Variants in CLCN3 observed in about 807,000 individuals in gnomAD.
The protein encoded by CLCN3 is Cl-/H+ antiporter 3.
Under a neutral mutation model 83.4 loss-of-function variants are expected in CLCN3, and 16 were observed. The ratio of observed to expected loss-of-function variants is 0.19; its 90% CI spans 0.13 to 0.29. The LOEUF is 0.29. Among genes scored for constraint, CLCN3 ranks in the 10% least tolerant of loss-of-function variants. The probability of loss-of-function intolerance (pLI) is 1.00; values close to 1 mark genes in which losing one functional copy is unlikely to be tolerated. For missense variants in CLCN3, 544 were observed against 1,006.0 expected (o/e 0.54, Z 6.21); for synonymous variants, 322 against 346.2 (o/e 0.93, Z 0.78).
rs541728263 is a variant in CLCN3 at position 169,654,057 on chromosome 4, C to G, written c.160+17969C>G. 5.9e-5 allele frequency among the ~76,000 whole-genome samples: 9 copies of G among 152,292 alleles called. No homozygotes were observed. The South Asian group carries it at 1.9e-3, about 32-fold the overall frequency. ...ACTAGAAAACAATTTTTTACCCACTCTTGTACAGTGCCACCTCTGATACAT... is the reference window on the plus strand; with the variant it reads ...ACTAGAAAACAATTTTTTACCCACTGTTGTACAGTGCCACCTCTGATACAT... On this transcript the variant is annotated intron_variant, in intron 2 of 12. Transcript: ENST00000513761.
At chr4:169,665,852 A>G (rs1277870906) in intron 2 of CLCN3, among the ~76,000 whole-genome samples, 1 of 152,186 alleles carries the variant, frequency 6.6e-6, no homozygotes, top group Non-Finnish European at 1.5e-5. Context: ...AAATAACTAT[A>G]TGCATCATTT....
chr4:169,626,583 T>C (rs914548161), intron 1 of CLCN3, among the ~76,000 whole-genome samples: 1 of 152,114 alleles, frequency 6.6e-6, no homozygotes, highest in Non-Finnish European at 1.5e-5. Context: ...CTGTGGAAGA[T>C]TAGAGTTCTG....
rs2150285377 is a variant in CLCN3, at chr4:169,722,949, A to G, written c.*2952A>G. On this transcript the variant is annotated 3_prime_UTR_variant, in exon 13 of 13. Transcript: ENST00000513761. ...TATAATAAGTGTAGCGCCTTGTTTG[A>G]ATACCCTTTTTGAGAAGGTATGATG... 6.6e-6 allele frequency: 1 copy of G among 152,304 alleles called. No individual in the cohort carries two copies. Among genetic ancestry groups the G allele is most frequent in the Middle Eastern group, 3.4e-3 (1 of 294 alleles). 9.4% of individuals were successfully genotyped at this position (152,304 alleles called of 1,614,324 possible).
At chr4:169,704,216 G>T in intron 10 of CLCN3, 32 bp downstream of exon 10, 1 of 1,587,674 alleles carries the variant, frequency 6.3e-7, no homozygotes, top group Non-Finnish European at 8.6e-7. Flanking sequence ...GTGTGTGGAT[G>T]TTTGCAAGTC....
intron 2 of CLCN3, among the ~76,000 whole-genome samples, chr4:169,668,043 ATT>A (rs60739106): frequency 3.9e-4 from 32 of 82,330 alleles, no homozygotes; most frequent in South Asian, 2.6e-3. Context: ...CCGGCCAGAC[ATT>A]TTTTTTTTTT....
chr4:169,622,482 CTG>C lies in CLCN3; in HGVS notation c.-17+1421_-17+1422del, dbSNP rs1773133783. On this transcript the variant is annotated intron_variant, in intron 1 of 12. Transcript: ENST00000513761. The stretch of plus-strand genomic sequence containing the variant: ...ATCCTGTGGGGTTTGGCCACTATCG[CTG>C]TTTTGTAGAACTTCCAACTTAGTTT... 2.0e-5 allele frequency among the ~76,000 whole-genome samples: 3 copies of C among 152,268 alleles called. No individual in the cohort carries two copies. In the South Asian group the frequency reaches 6.2e-4, roughly 32 times the overall value.
At chr4:169,667,540 A>G (rs1252390007) in intron 2 of CLCN3, among the ~76,000 whole-genome samples, 1 of 152,144 alleles carries the variant, frequency 6.6e-6, no homozygotes, top group Non-Finnish European at 1.5e-5. Context: ...AGCCAGTTTT[A>G]GTTCATCGAT....
intron 12 of CLCN3, among the ~76,000 whole-genome samples, chr4:169,714,592 T>G (rs926397011): frequency 1.3e-5 from 2 of 152,152 alleles, no homozygotes; most frequent in Non-Finnish European, 2.9e-5. Flanking sequence ...TATTTTGCAC[T>G]GTAAGTGACT....
chr4:169,692,066 C>A, intron 6 of CLCN3, 48 bp from the exon 7 acceptor site: 1 of 1,174,690 alleles, frequency 8.5e-7, no homozygotes, highest in Non-Finnish European at 1.3e-6. Context: ...TCGTTACATT[C>A]TCATGTTTCT....
chr4:169,631,850 G>A (rs4283622), intron 1 of CLCN3, among the ~76,000 whole-genome samples: 147,662 of 152,276 alleles, frequency 0.97, 71,748 homozygotes, highest in East Asian at 1. Flanking sequence ...TCTGGAAACA[G>A]CCTCCCAAGA....
chr4:169,626,485 C>T (rs1480644655), intron 1 of CLCN3, among the ~76,000 whole-genome samples: 1 of 152,266 alleles, frequency 6.6e-6, no homozygotes, highest in African/African-American at 2.4e-5. Context: ...TGTCCAACTT[C>T]TTCTGCCTGT....
chr4:169,701,802 G>C (rs1480824206), intron 9 of CLCN3, among the ~76,000 whole-genome samples: 1 of 152,184 alleles, frequency 6.6e-6, no homozygotes, highest in African/African-American at 2.4e-5. Flanking sequence ...ATTTGACCTT[G>C]GACTTAGGGT....
rs1733568893 is a variant in CLCN3 at position 169,719,918 on chromosome 4, G to A, written c.2378G>A (p.Gly793Asp). 6.2e-7 allele frequency: 1 copy of A among 1,610,504 alleles called. No individual in the cohort carries two copies. Among genetic ancestry groups the A allele is most frequent in the Non-Finnish European group, 8.5e-7 (1 of 1,179,120 alleles). The change falls in exon 13 of 13, where the codon GGC (glycine) becomes GAC (aspartate). Residue 793 changes from glycine to aspartate, a missense_variant. By Grantham distance (94) the Gly-to-Asp change is moderately conservative. This residue lies in a region of CLCN3 where 142 missense variants were observed against 225.0 expected (regional missense o/e 0.63). Transcript: ENST00000513761. The part of the protein sequence containing the change: ...CLVTHNGRLL[G>D]IITKKDILRH... ...TTTATTCCTTTCAGGCGCCTCCTTG[G>A]CATTATAACAAAAAAAGATATCCTC...
At chr4:169,710,404 T>A (rs1430169332) in intron 11 of CLCN3, among the ~76,000 whole-genome samples, 1 of 152,170 alleles carries the variant, frequency 6.6e-6, no homozygotes, top group Non-Finnish European at 1.5e-5. Context: ...TAGCTAGGAC[T>A]ACAGGCATGC....
chr4:169,637,825 A>C (rs1421638067), intron 2 of CLCN3, among the ~76,000 whole-genome samples: 1 of 152,024 alleles, frequency 6.6e-6, no homozygotes, highest in African/African-American at 2.4e-5. Flanking sequence ...TAACTAGTTG[A>C]CCCCACACCA....
At chr4:169,628,988 T>C (rs895022023) in intron 1 of CLCN3, among the ~76,000 whole-genome samples, 10 of 152,214 alleles carry the variant, frequency 6.6e-5, no homozygotes, top group African/African-American at 2.4e-4. Flanking sequence ...TTGACACATG[T>C]AACACCCTGG....
At chr4:169,677,443 G>A (rs140878386) in intron 2 of CLCN3, among the ~76,000 whole-genome samples, 1 of 152,294 alleles carries the variant, frequency 6.6e-6, no homozygotes, top group Admixed American at 6.5e-5. Context: ...TTGCAACTGT[G>A]TGGCATCCAA....
At chr4:169,693,216 A>C (rs1265696970) in intron 7 of CLCN3, among the ~76,000 whole-genome samples, 3 of 152,222 alleles carry the variant, frequency 2.0e-5, no homozygotes, top group African/African-American at 7.2e-5. Flanking sequence ...ATTCTAGTAC[A>C]TTTTAATGTT....
At chr4:169,690,124 G>C (rs1732306030) in intron 5 of CLCN3, among the ~76,000 whole-genome samples, 1 of 135,524 alleles carries the variant, frequency 7.4e-6, no homozygotes, top group African/African-American at 2.7e-5. Flanking sequence ...TTTTACTGAA[G>C]TTTCTTTTCT....
Sources: gnomAD v4.1 joint callset for allele counts (sites outside exome capture counted in the v4.1 genomes callset) on GRCh38, gnomAD v4.1.1 for gene constraint, gnomAD v4.1.1 regional missense constraint, MANE v1.5 for transcripts, NCBI Gene and HGNC (gene_info 2026-07-23, HGNC 2026-07-21) for gene names.